The following SNTG2 variants were observed in gnomAD, a reference collection of about 807,000 sequenced individuals.
SNTG2 encodes the protein syntrophin gamma 2.
Under a neutral mutation model 70.9 loss-of-function variants are expected in SNTG2, and 74 were observed. That is an observed-to-expected ratio of 1.04 (90% confidence interval 0.86 to 1.27). SNTG2 has a LOEUF of 1.27. SNTG2 is among the 50% of genes most tolerant of loss of function. The pLI, the probability that SNTG2 is intolerant of heterozygous loss-of-function variation, is 0.00. For missense variants in SNTG2, 717 were observed against 690.7 expected (o/e 1.04, Z -0.43); for synonymous variants, 278 against 273.8 (o/e 1.02, Z -0.15).
intron 12 of SNTG2, 97 bp from the exon 13 acceptor site, chr2:1,259,273 A>C (rs1678287767): frequency 1.0e-6 from 1 of 981,816 alleles, no homozygotes; most frequent in Non-Finnish European, 1.6e-6. Flanking sequence ...GATTTAATTG[A>C]GGTGGACACA....
intron 14 of SNTG2, among the ~76,000 whole-genome samples, chr2:1,307,893 G>A (rs964517150): frequency 2.0e-5 from 3 of 152,172 alleles, no homozygotes; most frequent in Non-Finnish European, 4.4e-5. Context: ...GGTCCGGGCC[G>A]CCCTCCGCAC....
At chr2:1,009,247 A>C (rs1037486736) in intron 1 of SNTG2, among the ~76,000 whole-genome samples, 5 of 125,320 alleles carry the variant, frequency 4.0e-5, no homozygotes, top group Non-Finnish European at 8.3e-5. Context: ...GCTGGTTCTG[A>C]TACTGGTGGG....
chr2:1,357,470 T>C (rs1327219000), intron 16 of SNTG2, among the ~76,000 whole-genome samples: 1 of 152,166 alleles, frequency 6.6e-6, no homozygotes, highest in Non-Finnish European at 1.5e-5. Flanking sequence ...TCATGTGCTA[T>C]TGAATTCAGT....
intron 1 of SNTG2, among the ~76,000 whole-genome samples, chr2:951,987 C>G (rs1659986133): frequency 6.6e-6 from 1 of 152,190 alleles, no homozygotes; most frequent in African/African-American, 2.4e-5. Flanking sequence ...CTACAAATTC[C>G]TATCGTCATA....
chr2:1,161,937 GA>G (rs1370588252), intron 6 of SNTG2, among the ~76,000 whole-genome samples: 6 of 152,008 alleles, frequency 3.9e-5, no homozygotes, highest in African/African-American at 1.2e-4. Flanking sequence ...AGCCAGGCGA[GA>G]TGGCGGGCGC....
chr2:1,220,675 G>A (rs539639111), intron 9 of SNTG2, among the ~76,000 whole-genome samples: 2 of 152,242 alleles, frequency 1.3e-5, no homozygotes, highest in Non-Finnish European at 2.9e-5. Context: ...GACAGAAAGA[G>A]AATAATCCCA....
At chr2:1,072,335 TTCTTTTTCTTTTTC>T in intron 1 of SNTG2, among the ~76,000 whole-genome samples, 2 of 125,738 alleles carry the variant, frequency 1.6e-5, no homozygotes, top group East Asian at 2.3e-4. Flanking sequence ...TCTTTTTCTT[TTCTTTTTCTTTTTC>T]TTTTTTTTTT....
intron 1 of SNTG2, among the ~76,000 whole-genome samples, chr2:1,027,064 G>T (rs1052826635): frequency 1.3e-5 from 2 of 152,180 alleles, no homozygotes; most frequent in Admixed American, 1.3e-4. Flanking sequence ...TCTTGCTGCT[G>T]CAGTTAGTTC....
intron 16 of SNTG2, among the ~76,000 whole-genome samples, chr2:1,332,979 C>G (rs1319801792): frequency 2.6e-5 from 4 of 152,088 alleles, no homozygotes; most frequent in African/African-American, 7.2e-5. Flanking sequence ...AAAAACAAAT[C>G]AATGACATCT....
At chr2:1,102,201 G>A (rs775356947) in intron 4 of SNTG2, among the ~76,000 whole-genome samples, 11 of 152,250 alleles carry the variant, frequency 7.2e-5, no homozygotes, top group Middle Eastern at 6.8e-3. Context: ...GGGAGAGGGC[G>A]CTGTTTTTTG....
At chr2:1,027,370 G>C (rs1274590477) in intron 1 of SNTG2, among the ~76,000 whole-genome samples, 1 of 147,204 alleles carries the variant, frequency 6.8e-6, no homozygotes, top group Non-Finnish European at 1.5e-5. Context: ...CTGACCCACA[G>C]ACACTACCCA....
intron 1 of SNTG2, among the ~76,000 whole-genome samples, chr2:1,054,554 A>G (rs1662271801): frequency 6.6e-6 from 1 of 151,998 alleles, no homozygotes; most frequent in Admixed American, 6.6e-5. Context: ...ATGGCTAGAG[A>G]TGTTAGAGAA....
At chr2:1,271,373 A>T (rs992763598) in intron 14 of SNTG2, among the ~76,000 whole-genome samples, 1 of 152,100 alleles carries the variant, frequency 6.6e-6, no homozygotes, top group Admixed American at 6.5e-5. Flanking sequence ...GTACATTTTC[A>T]TGTCAATTTA....
intron 1 of SNTG2, among the ~76,000 whole-genome samples, chr2:953,261 C>G (rs1299112454): frequency 1.3e-5 from 2 of 152,214 alleles, no homozygotes; most frequent in African/African-American, 4.8e-5. Context: ...TGGCAGACAA[C>G]CTCAGTACAA....
At position 957,453 on chromosome 2, in the gene SNTG2, C is replaced by T. The variant is rs142322520; in HGVS notation, c.72+6385C>T. Among the ~76,000 whole-genome samples the T allele has an allele frequency of 2.4e-3, 358 of 152,172 alleles. 2 individuals carry two copies. Among genetic ancestry groups the T allele is most frequent in the African/African-American group, 8.4e-3 (347 of 41,522 alleles). On this transcript the variant is annotated intron_variant, in intron 1 of 16. Coordinates refer to ENST00000308624, the MANE Select transcript of SNTG2 (RefSeq NM_018968.4). ...AATTGCTTTATCATGATGCACCTTA[C>T]GTACGTGCAGACACAGACACACAGA...
intron 9 of SNTG2, among the ~76,000 whole-genome samples, chr2:1,233,337 A>G (rs1353238936): frequency 6.6e-6 from 1 of 152,162 alleles, no homozygotes; most frequent in Non-Finnish European, 1.5e-5. Context: ...ATGCTCTGTG[A>G]TTGGTTTCCG....
chr2:1,212,350 G>C (rs1474334379), intron 9 of SNTG2, among the ~76,000 whole-genome samples: 1 of 152,144 alleles, frequency 6.6e-6, no homozygotes, highest in Admixed American at 6.6e-5. Flanking sequence ...GAAGTTTCCT[G>C]AGGCTTTCCT....
chr2:1,008,663 A>G lies in SNTG2; in HGVS notation c.72+57595A>G, dbSNP rs575108806. ...GTAGAACTAATGATAGGTGACATAA[A>G]TATTTATTGATGTTTTAGTTATAGT... On this transcript the variant is annotated intron_variant, in intron 1 of 16. Coordinates refer to ENST00000308624, the MANE Select transcript of SNTG2 (RefSeq NM_018968.4). 3.3e-5 allele frequency among the ~76,000 whole-genome samples: 5 copies of G among 152,318 alleles called. No individual in the cohort carries two copies. In the South Asian group the frequency reaches 1.0e-3, roughly 32 times the overall value.
At chr2:1,087,771 T>C (rs1664776919) in intron 2 of SNTG2, among the ~76,000 whole-genome samples, 1 of 152,218 alleles carries the variant, frequency 6.6e-6, no homozygotes, top group Non-Finnish European at 1.5e-5. Context: ...GAAAATCATT[T>C]TTAAAATGTA....
Sources: gnomAD v4.1 joint callset for allele counts (sites outside exome capture counted in the v4.1 genomes callset) on GRCh38, gnomAD v4.1.1 for gene constraint, MANE v1.5 for transcripts, NCBI Gene and HGNC (gene_info 2026-07-23, HGNC 2026-07-21) for gene names.